The following KIAA1958 variants were observed in gnomAD, a reference collection of about 807,000 sequenced individuals.
The protein encoded by KIAA1958 is KIAA1958, also known as uncharacterized protein KIAA1958.
KIAA1958 carries 14 observed loss-of-function variants against 47.2 expected under a neutral mutation model. The observed-to-expected ratio is 0.30, with a 90% CI of 0.20 to 0.46. The LOEUF is 0.46. Ranked by LOEUF, KIAA1958 falls within the 20% of genes least tolerant of loss-of-function variation. The pLI is 1.00. For missense variants in KIAA1958, 803 were observed against 909.2 expected, an observed-to-expected ratio of 0.88 and a Z score of 1.50; for synonymous variants, 354 against 353.3, an observed-to-expected ratio of 1.00 and a Z score of -0.02.
intron 2 of KIAA1958, 56 bp downstream of exon 2, chr9:112,575,307 C>T (rs1414944035): frequency 2.5e-6 from 3 of 1,222,056 alleles, no homozygotes; most frequent in Admixed American, 2.3e-5. Context: ...GAATTCTGCG[C>T]CGTCAGCACT....
chr9:112,534,197 A>G (rs1834813394), intron 1 of KIAA1958, among the ~76,000 whole-genome samples: 1 of 152,178 alleles, frequency 6.6e-6, no homozygotes, highest in Non-Finnish European at 1.5e-5. Context: ...AGAGATTATT[A>G]TACATGTCTC....
intron 2 of KIAA1958, among the ~76,000 whole-genome samples, chr9:112,635,214 TTGTG>T (rs71999105): frequency 0.34 from 44,745 of 129,926 alleles, 8,730 homozygotes; most frequent in Non-Finnish European, 0.46. Context: ...ATTCTTTATT[TTGTG>T]TGTGTGTGTG....
intron 1 of KIAA1958, among the ~76,000 whole-genome samples, chr9:112,533,704 A>T (rs1222123779): frequency 2.0e-5 from 3 of 152,122 alleles, no homozygotes; most frequent in Admixed American, 6.5e-5. Context: ...GTGGCAGGAG[A>T]TAGAATGAGT....
chr9:112,652,604 A>C (rs1837083058), intron 3 of KIAA1958, among the ~76,000 whole-genome samples: 1 of 152,068 alleles, frequency 6.6e-6, no homozygotes, highest in Non-Finnish European at 1.5e-5. Flanking sequence ...TCGTTGGTTT[A>C]ACCCATTGTT....
chr9:112,555,630 A>T (rs912755477), intron 1 of KIAA1958, among the ~76,000 whole-genome samples: 7 of 152,366 alleles, frequency 4.6e-5, no homozygotes, highest in African/African-American at 1.7e-4. Context: ...GTATGCTCAC[A>T]GTATGCTCGC....
intron 3 of KIAA1958, among the ~76,000 whole-genome samples, chr9:112,647,306 C>T (rs1337756606): frequency 2.6e-5 from 4 of 151,990 alleles, no homozygotes; most frequent in Admixed American, 2.6e-4. Flanking sequence ...AAAAGAGGAC[C>T]TGAAAGGGTC....
chr9:112,600,116 T>G (rs1195763604), intron 2 of KIAA1958, among the ~76,000 whole-genome samples: 1 of 152,252 alleles, frequency 6.6e-6, no homozygotes, highest in Non-Finnish European at 1.5e-5. Context: ...ATTTATTCTC[T>G]TGTTCTACTC....
intron 2 of KIAA1958, among the ~76,000 whole-genome samples, chr9:112,602,183 C>A (rs1464471778): frequency 1.3e-5 from 2 of 152,130 alleles, no homozygotes; most frequent in African/African-American, 4.8e-5. Context: ...AAGGTTGTTA[C>A]AATTAATTTT....
intron 2 of KIAA1958, among the ~76,000 whole-genome samples, chr9:112,597,582 A>G (rs1030708701): frequency 5.9e-5 from 9 of 152,038 alleles, no homozygotes; most frequent in Non-Finnish European, 1.3e-4. Context: ...TCCTCCAAAA[A>G]CTTCATTGCC....
At chr9:112,642,920 A>C (rs1429571711) in intron 2 of KIAA1958, among the ~76,000 whole-genome samples, 1 of 152,166 alleles carries the variant, frequency 6.6e-6, no homozygotes, top group East Asian at 1.9e-4. Flanking sequence ...AGTATTCTTT[A>C]TTTGTTTCAC....
rs148533622 is a variant in KIAA1958, at chr9:112,512,125, A to G, written c.-25+25007A>G. Among the ~76,000 whole-genome samples, 15 of 152,234 alleles carry G rather than the reference A, an allele frequency of 9.9e-5. No homozygotes were observed. In the East Asian group the frequency reaches 2.9e-3, roughly 29 times the overall value. The stretch of plus-strand genomic sequence containing the variant: ...AAGACATAGTATTAATTATATTCTA[A>G]CTCTTCTAGGAAATTAAAGAGGAGA... On this transcript the variant is annotated intron_variant, in intron 1 of 3. Coordinates refer to ENST00000337530, the MANE Select transcript of KIAA1958 (RefSeq NM_133465.4).
At chr9:112,577,873 A>T (rs1423118485) in intron 2 of KIAA1958, among the ~76,000 whole-genome samples, 1 of 152,048 alleles carries the variant, frequency 6.6e-6, no homozygotes, top group East Asian at 1.9e-4. Flanking sequence ...ATTAGCTATG[A>T]AAAGCTGGCA....
Position 112,662,078 on chromosome 9 carries a change from A to G in KIAA1958, c.*2009A>G, listed in dbSNP as rs527599196. On this transcript the variant is annotated 3_prime_UTR_variant, in exon 4 of 4. Coordinates refer to ENST00000337530, the MANE Select transcript of KIAA1958 (RefSeq NM_133465.4). ...ATCTTTTCGGATTTTGACCTTTTCAAAGGTAGCAATAACTACTCCAGAGGT... is the reference window on the plus strand; with the variant it reads ...ATCTTTTCGGATTTTGACCTTTTCAGAGGTAGCAATAACTACTCCAGAGGT... 1 of 152,314 alleles carries G rather than the reference A, an allele frequency of 6.6e-6. No individual in the cohort carries two copies. Among genetic ancestry groups the G allele is most frequent in the African/African-American group, 2.4e-5 (1 of 41,554 alleles). The allele number at this position is 152,314 out of a possible 1,614,324, so 9.4% of individuals were successfully genotyped here.
chr9:112,590,653 G>A (rs1487612722), intron 2 of KIAA1958, among the ~76,000 whole-genome samples: 3 of 152,074 alleles, frequency 2.0e-5, no homozygotes, highest in African/African-American at 7.2e-5. Context: ...GCCGGGCCCA[G>A]ACACCATTCT....
At chr9:112,634,273 A>G (rs970613498) in intron 2 of KIAA1958, among the ~76,000 whole-genome samples, 6 of 152,114 alleles carry the variant, frequency 3.9e-5, no homozygotes, top group Non-Finnish European at 4.4e-5. Context: ...TTGTTGCCCA[A>G]GCTGGAGTGC....
chr9:112,528,830 G>T (rs1834705065), intron 1 of KIAA1958, among the ~76,000 whole-genome samples: 1 of 152,062 alleles, frequency 6.6e-6, no homozygotes, highest in Admixed American at 6.6e-5. Context: ...GTTTTTATTT[G>T]TTTTTGAGTC....
rs565607485 is a variant in KIAA1958, at chr9:112,557,997, C to T, written c.-24-16060C>T. 8.7e-4 allele frequency among the ~76,000 whole-genome samples: 133 copies of T among 152,024 alleles called. 3 individuals are homozygous for T. In the South Asian group the frequency reaches 0.026, roughly 29 times the overall value. ...ATCCCAGCACTTTGGGAGGCCGAGG[C>T]GGGTGGATCACGAGGTCAGGAGATC... On this transcript the variant is annotated intron_variant, in intron 1 of 3. Coordinates refer to ENST00000337530, the MANE Select transcript of KIAA1958 (RefSeq NM_133465.4).
intron 2 of KIAA1958, among the ~76,000 whole-genome samples, chr9:112,629,812 C>A (rs1836678086): frequency 6.6e-6 from 1 of 152,110 alleles, no homozygotes; most frequent in Admixed American, 6.5e-5. Flanking sequence ...AAAAGCAATC[C>A]AATAAAGTCA....
rs1383129135 is a variant in KIAA1958, at chr9:112,665,787, G to A, written c.*5718G>A. The A allele has an allele frequency of 6.6e-6, 1 of 152,108 alleles. No individual in the cohort carries two copies. Among genetic ancestry groups the A allele is most frequent in the Non-Finnish European group, 1.5e-5 (1 of 68,020 alleles). 9.4% of individuals were successfully genotyped at this position (152,108 alleles called of 1,614,324 possible). A position where few individuals can be genotyped will look rare whatever the true frequency, so the allele number is the denominator to read the frequency against. ...TATTACCTGTCATCTACCTTAAAGG[G>A]CAGATGGTCATGTGAATTTATTCTA... On this transcript the variant is annotated 3_prime_UTR_variant, in exon 4 of 4. Coordinates refer to ENST00000337530, the MANE Select transcript of KIAA1958 (RefSeq NM_133465.4).
Sources: allele counts gnomAD v4.1 joint callset (sites outside exome capture counted in the v4.1 genomes callset), GRCh38; gene constraint gnomAD v4.1.1; transcripts MANE v1.5; gene names NCBI Gene and HGNC (gene_info 2026-07-23, HGNC 2026-07-21).